The following NEGR1 variants were observed in gnomAD, a reference collection of about 807,000 sequenced individuals.
The protein encoded by NEGR1 is IgLON family member 4.
Under a neutral mutation model 40.9 loss-of-function variants are expected in NEGR1, and 10 were observed. The ratio of observed to expected loss-of-function variants is 0.24; its 90% confidence interval spans 0.15 to 0.42. NEGR1 has a LOEUF of 0.42. Among genes scored for constraint, NEGR1 ranks in the 10% least tolerant of loss-of-function variants. The pLI is 1.00. For missense variants in NEGR1, 352 were observed against 438.9 expected, an observed-to-expected ratio of 0.80 and a Z score of 1.77; for synonymous variants, 185 against 166.8, an observed-to-expected ratio of 1.11 and a Z score of -0.84.
intron 2 of NEGR1, among the ~76,000 whole-genome samples, chr1:71,796,997 T>G (rs1184420630): frequency 1.3e-5 from 2 of 152,142 alleles, no homozygotes; most frequent in Non-Finnish European, 2.9e-5. Flanking sequence ...TTGAAACTCA[T>G]TAAATATTTG....
intron 2 of NEGR1, among the ~76,000 whole-genome samples, chr1:71,833,064 C>T (rs1024883355): frequency 1.3e-5 from 2 of 151,934 alleles, no homozygotes; most frequent in African/African-American, 4.8e-5. Flanking sequence ...AGTTGTGATA[C>T]AGAGAGAATA....
In NEGR1 at chr1:71,525,772, C is replaced by T. The variant is rs1021461284; in HGVS notation, c.940+67045G>A. ...ATACTTGCTATATACTTAATAAGGA[C>T]TTACATTTATAAGTCTGTTTTATGT... is the stretch of plus-strand genomic sequence containing the variant. On this transcript the variant is annotated intron_variant, in intron 6 of 6. Coordinates refer to ENST00000357731, the MANE Select transcript of NEGR1 (RefSeq NM_173808.3). Among the ~76,000 whole-genome samples the T allele has an allele frequency of 2.0e-4, 31 of 151,704 alleles. 2 individuals are homozygous for T. In the South Asian group the frequency reaches 4.4e-3, roughly 21 times the overall value.
intron 1 of NEGR1, among the ~76,000 whole-genome samples, chr1:71,939,440 T>G (rs1645939772): frequency 6.6e-6 from 1 of 152,128 alleles, no homozygotes; most frequent in African/African-American, 2.4e-5. Flanking sequence ...TAAATGAAGG[T>G]AAAAATTAGG....
chr1:71,927,644 C>A (rs182929606), intron 2 of NEGR1, among the ~76,000 whole-genome samples: 1 of 151,452 alleles, frequency 6.6e-6, no homozygotes, highest in East Asian at 2.0e-4. Context: ...TATAGTTCAA[C>A]AGATTAAATA....
intron 3 of NEGR1, among the ~76,000 whole-genome samples, chr1:71,735,092 G>A (rs1018436988): frequency 2.0e-5 from 3 of 151,920 alleles, no homozygotes; most frequent in African/African-American, 7.2e-5. Context: ...TTAATTTTCA[G>A]TTACCAGTTA....
At chr1:71,947,089 T>C (rs1340544470) in intron 1 of NEGR1, among the ~76,000 whole-genome samples, 212 of 129,012 alleles carry the variant, frequency 1.6e-3, no homozygotes, top group Non-Finnish European at 2.6e-3. Flanking sequence ...TCCTGTCTCA[T>C]ACACACACAC....
At chr1:72,207,199 A>G (rs1653438956) in intron 1 of NEGR1, among the ~76,000 whole-genome samples, 1 of 151,844 alleles carries the variant, frequency 6.6e-6, no homozygotes, top group Non-Finnish European at 1.5e-5. Flanking sequence ...TACCTCAAAC[A>G]TGTTTATCGT....
intron 2 of NEGR1, among the ~76,000 whole-genome samples, chr1:71,928,854 A>C (rs1645827247): frequency 6.6e-6 from 1 of 152,084 alleles, no homozygotes; most frequent in South Asian, 2.1e-4. Context: ...TGTGATCAGT[A>C]GTCAGGTATT....
At position 71,819,783 on chromosome 1, in the gene NEGR1, C is replaced by T. The variant is rs183196822; in HGVS notation, c.410-43486G>A. Among the ~76,000 whole-genome samples the T allele has an allele frequency of 2.6e-5, 4 of 152,066 alleles. No homozygotes were observed. In the East Asian group the frequency reaches 5.8e-4, roughly 22 times the overall value. ...GAAATGCTAGAATTGCCCTGGTAGG[C>T]TCTGGAGGAAAGGGATAACAGGGTC... is the stretch of plus-strand genomic sequence containing the variant. On this transcript the variant is annotated intron_variant, in intron 2 of 6. Transcript: ENST00000357731.
intron 6 of NEGR1, among the ~76,000 whole-genome samples, chr1:71,417,792 T>C (rs1201927968): frequency 3.9e-5 from 6 of 152,178 alleles, no homozygotes; most frequent in African/African-American, 1.4e-4. Context: ...CTTAAAATTG[T>C]AGCTTTAAAA....
At position 71,403,197 on chromosome 1, in the gene NEGR1, A is replaced by G. The variant is rs1173572824; in HGVS notation, c.*4249T>C. ...TGGCTTGAGATCTCATTTGTATATT[A>G]TGGTTTGGTATTTACAAACTAAAGG... On this transcript the variant is annotated 3_prime_UTR_variant, in exon 7 of 7. Transcript: ENST00000357731. The G allele has an allele frequency of 6.6e-6, 1 of 152,090 alleles. No individual in the cohort carries two copies. The highest frequency in any genetic ancestry group is 1.5e-5 in the Non-Finnish European group (1 of 67,942). 9.4% of individuals were successfully genotyped at this position (152,090 alleles called of 1,614,324 possible).
chr1:71,542,778 A>G (rs1220738987), intron 6 of NEGR1, among the ~76,000 whole-genome samples: 1 of 151,732 alleles, frequency 6.6e-6, no homozygotes, highest in Admixed American at 6.6e-5. Flanking sequence ...CTCCTATGAT[A>G]ACCTTTGCTC....
At chr1:71,845,360 T>C (rs1659370045) in intron 2 of NEGR1, among the ~76,000 whole-genome samples, 1 of 152,064 alleles carries the variant, frequency 6.6e-6, no homozygotes, top group Non-Finnish European at 1.5e-5. Flanking sequence ...TTAAAGTTAT[T>C]ATTATATTTA....
At chr1:71,743,415 T>A in intron 3 of NEGR1, among the ~76,000 whole-genome samples, 1 of 152,068 alleles carries the variant, frequency 6.6e-6, no homozygotes, top group East Asian at 1.9e-4. Context: ...TGGTTTTTTT[T>A]TTTTCCAAAG....
chr1:71,781,068 T>G (rs1656698062), intron 2 of NEGR1, among the ~76,000 whole-genome samples: 1 of 152,190 alleles, frequency 6.6e-6, no homozygotes, highest in South Asian at 2.1e-4. Flanking sequence ...TGTGTACATA[T>G]TTTCTGATGT....
At chr1:71,623,507 GAA>G (rs896168115) in intron 4 of NEGR1, among the ~76,000 whole-genome samples, 1 of 151,892 alleles carries the variant, frequency 6.6e-6, no homozygotes, top group South Asian at 2.1e-4. Context: ...AACAAGGGGG[GAA>G]AAACATCCTA....
chr1:71,574,441 A>G (rs1012915702), intron 6 of NEGR1, among the ~76,000 whole-genome samples: 4 of 152,152 alleles, frequency 2.6e-5, no homozygotes, highest in African/African-American at 9.7e-5. Context: ...TTTTTAGCAC[A>G]GTTGCAAAAA....
intron 2 of NEGR1, among the ~76,000 whole-genome samples, chr1:71,866,789 G>C (rs1026219547): frequency 6.6e-6 from 1 of 152,132 alleles, no homozygotes; most frequent in Non-Finnish European, 1.5e-5. Context: ...ATAAATAAAC[G>C]TGGTAAGAAG....
chr1:72,078,758 G>T (rs1647860764), intron 1 of NEGR1, among the ~76,000 whole-genome samples: 1 of 150,722 alleles, frequency 6.6e-6, no homozygotes, highest in African/African-American at 2.4e-5. Context: ...TCCTGCCTCA[G>T]CCTCCCAAAT....
Sources: allele counts gnomAD v4.1 joint callset (sites outside exome capture counted in the v4.1 genomes callset), GRCh38; gene constraint gnomAD v4.1.1; transcripts MANE v1.5; gene names NCBI Gene and HGNC (gene_info 2026-07-23, HGNC 2026-07-21).